ACBD3: variants seen among roughly 807,000 people sequenced by gnomAD.
The protein encoded by ACBD3 is acyl-CoA binding domain containing 3.
A neutral mutation model predicts 66.9 loss-of-function variants in ACBD3; 30 were observed. The ratio of observed to expected loss-of-function variants is 0.45; its 90% CI spans 0.34 to 0.61. ACBD3 has a LOEUF of 0.61. ACBD3 is among the 20% of genes least tolerant of loss of function. ACBD3 has a pLI of 0.02. For synonymous variants in ACBD3, 278 were observed against 259.8 expected (o/e 1.07, Z -0.68); for missense variants, 544 against 664.5 (o/e 0.82, Z 1.99).
chr1:226,177,657 G>C (rs57636157), intron 1 of ACBD3, among the ~76,000 whole-genome samples: 2 of 152,028 alleles, frequency 1.3e-5, no homozygotes, highest in East Asian at 3.9e-4. Context: ...CCAACCATGA[G>C]AGTCTGAACA....
chr1:226,150,224 A>G (rs185626983), intron 7 of ACBD3, among the ~76,000 whole-genome samples: 271 of 151,422 alleles, frequency 1.8e-3, no homozygotes, highest in Admixed American at 3.9e-3. Flanking sequence ...ACACCCACCT[A>G]ACTAAAAAAA....
At chr1:226,176,308 C>A (rs1386072916) in intron 1 of ACBD3, among the ~76,000 whole-genome samples, 1 of 151,948 alleles carries the variant, frequency 6.6e-6, no homozygotes, top group African/African-American at 2.4e-5. Context: ...GCCTGTATTC[C>A]CAGCTATTCG....
chr1:226,164,737 T>C, intron 3 of ACBD3, 52 bp downstream of exon 3: 1 of 1,530,856 alleles, frequency 6.5e-7, no homozygotes. Context: ...AACAAAAGCA[T>C]CAGTACACTG....
intron 1 of ACBD3, among the ~76,000 whole-genome samples, chr1:226,172,331 A>G (rs1655845611): frequency 6.6e-6 from 1 of 152,112 alleles, no homozygotes; most frequent in African/African-American, 2.4e-5. Context: ...AACTACTGTG[A>G]GAATGAACAA....
At chr1:226,177,825 C>T (rs544034383) in intron 1 of ACBD3, among the ~76,000 whole-genome samples, 1 of 152,032 alleles carries the variant, frequency 6.6e-6, no homozygotes, top group East Asian at 1.9e-4. Context: ...TCACTGCAAC[C>T]TCTGCCTCCC....
At chr1:226,171,847 A>C (rs376011726) in intron 1 of ACBD3, among the ~76,000 whole-genome samples, 13 of 151,866 alleles carry the variant, frequency 8.6e-5, no homozygotes, top group East Asian at 7.9e-4. Flanking sequence ...CTGGCCAATA[A>C]ATGTGTTTTT....
intron 7 of ACBD3, 89 bp from the exon 8 acceptor site, chr1:226,146,910 G>A: frequency 3.1e-6 from 4 of 1,300,988 alleles, no homozygotes; most frequent in Non-Finnish European, 4.4e-6. Context: ...TTTTTTTCTG[G>A]AGACAGAGTC....
chr1:226,155,111 A>G (rs183556600), intron 5 of ACBD3: 64 of 231,984 alleles, frequency 2.8e-4, no homozygotes, highest in Non-Finnish European at 4.7e-4. Flanking sequence ...TCACCATAAA[A>G]ACTAACCAGG....
intron 1 of ACBD3, among the ~76,000 whole-genome samples, chr1:226,183,883 TA>T (rs56294022): frequency 0.22 from 15,753 of 72,742 alleles, 1,010 homozygotes; most frequent in Middle Eastern, 0.34. Context: ...AAACTCTGCC[TA>T]AAAAAAAAAA....
In ACBD3 at chr1:226,152,493, C is replaced by T. The variant is rs771614044; in HGVS notation, c.1217G>A (p.Arg406Gln). ...TVGRGEVVTV[R>Q]VPTHEEGSYL... ...TGATCCTTCTTCATGGGTGGGTACT[C>T]GAACAGTGACCACTTCTCCTCGGCC... is the stretch of plus-strand genomic sequence containing the variant. Residue 406 changes from arginine (R) to glutamine (Q), a missense_variant, in exon 7 of 8, where the codon CGA becomes CAA. Arg to Gln is a conservative substitution (Grantham distance 43, BLOSUM62 1). This residue lies in a region of ACBD3 where 383 missense variants were observed against 462.4 expected (regional missense o/e 0.83). Coordinates refer to ENST00000366812, the MANE Select transcript of ACBD3 (RefSeq NM_022735.4). The T allele has an allele frequency of 1.6e-5, 26 of 1,614,044 alleles. No individual in the cohort carries two copies. Among genetic ancestry groups the T allele is most frequent in the Middle Eastern group, 1.6e-4 (1 of 6,082 alleles).
intron 1 of ACBD3, among the ~76,000 whole-genome samples, chr1:226,172,606 A>G (rs1655858272): frequency 6.6e-6 from 1 of 152,130 alleles, no homozygotes; most frequent in Admixed American, 6.6e-5. Context: ...CTCCAAATTA[A>G]TAATTTTTCT....
rs1342848280 is a variant in ACBD3, at chr1:226,186,481, A to C, written c.195T>G (p.Ala65=). Residue 65 remains alanine (A), a synonymous_variant, in exon 1 of 8, where the codon GCT becomes GCG. Transcript: ENST00000366812. ...GCCGCGCCTCCTCCGCCGCGCCCCC[A>C]GCCGCCGCCTCCCCGGGCTCGGGCT... The part of the protein sequence containing the change: ...GEQPEPGEAA[A]GGAAEEARRL... The C allele has an allele frequency of 1.3e-6, 2 of 1,491,596 alleles. No homozygotes were observed. Among genetic ancestry groups the C allele is most frequent in the Non-Finnish European group, 1.8e-6 (2 of 1,122,964 alleles). The allele number at this position is 1,491,596 out of a possible 1,614,324, so 92.4% of individuals were successfully genotyped here. A position where few individuals can be genotyped will look rare whatever the true frequency, so the allele number is the denominator to read the frequency against.
chr1:226,177,151 T>G (rs1364909383), intron 1 of ACBD3, among the ~76,000 whole-genome samples: 1 of 148,170 alleles, frequency 6.7e-6, no homozygotes, highest in Non-Finnish European at 1.5e-5. Context: ...GAGGAACAAA[T>G]TCCCATGTAG....
intron 3 of ACBD3, among the ~76,000 whole-genome samples, chr1:226,163,465 C>T (rs557602647): frequency 2.7e-4 from 41 of 152,120 alleles, no homozygotes; most frequent in African/African-American, 9.6e-4. Flanking sequence ...AAATCTCATT[C>T]TTTTCTCATA....
At chr1:226,147,846 C>A (rs1659487950) in intron 7 of ACBD3, among the ~76,000 whole-genome samples, 1 of 152,132 alleles carries the variant, frequency 6.6e-6, no homozygotes, top group African/African-American at 2.4e-5. Flanking sequence ...GCTTCGAAGT[C>A]ACAGTTTAAC....
At chr1:226,154,577 G>A (rs1659637234) in intron 6 of ACBD3, 70 bp downstream of exon 6, 2 of 1,495,192 alleles carry the variant, frequency 1.3e-6, no homozygotes, top group East Asian at 4.6e-5. Context: ...ATTATAACCT[G>A]ACTTCATGAC....
chr1:226,148,590 T>C (rs1659501327), intron 7 of ACBD3, among the ~76,000 whole-genome samples: 1 of 152,224 alleles, frequency 6.6e-6, no homozygotes, highest in Admixed American at 6.5e-5. Context: ...CTGGGATAGA[T>C]GAAAAGGCAT....
At position 226,175,737 on chromosome 1, in the gene ACBD3, G is replaced by T. The variant is rs1656016845; in HGVS notation, c.287-9737C>A. Among the ~76,000 whole-genome samples, 3 of 151,992 alleles carry T rather than the reference G, an allele frequency of 2.0e-5. No homozygotes were observed. The South Asian group carries it at 6.2e-4, about 31-fold the overall frequency. On this transcript the variant is annotated intron_variant, in intron 1 of 7. Transcript: ENST00000366812. ...AATGGAAAGCAGCTGCCTCTGGGGA[G>T]AAGGCCTAGGAAATGGGAAAAACAC... is the stretch of plus-strand genomic sequence containing the variant.
chr1:226,172,616 T>A (rs749222088), intron 1 of ACBD3, among the ~76,000 whole-genome samples: 1 of 152,062 alleles, frequency 6.6e-6, no homozygotes, highest in South Asian at 2.1e-4. Context: ...ATAATTTTTC[T>A]AGATGAGAGC....
Sources: allele counts gnomAD v4.1 joint callset (sites outside exome capture counted in the v4.1 genomes callset), GRCh38; gene constraint gnomAD v4.1.1; regional missense constraint gnomAD v4.1.1; transcripts MANE v1.5; gene names NCBI Gene and HGNC (gene_info 2026-07-23, HGNC 2026-07-21).